Variants in GAPDH observed in about 807,000 individuals in gnomAD.
The protein encoded by GAPDH is OCAS, p38 component.
A neutral mutation model predicts 31.2 loss-of-function variants in GAPDH; 13 were observed. The observed-to-expected ratio is 0.42, with a 90% CI of 0.27 to 0.66. The LOEUF (loss-of-function observed/expected upper bound fraction) is 0.66, where lower values mean the gene tolerates loss of function less well. GAPDH is among the 30% of genes least tolerant of loss of function. GAPDH has a pLI of 0.26. For missense variants in GAPDH, 300 were observed against 443.7 expected (o/e 0.68, Z 2.91); for synonymous variants, 211 against 166.9 (o/e 1.26, Z -2.04).
chr12:6,534,663 TGGGCCCGGGCGGCCTCCGCATTGC>T, intron 1 of GAPDH, 94 bp downstream of exon 1: 1 of 726,914 alleles, frequency 1.4e-6, no homozygotes, highest in South Asian at 1.6e-5. Context: ...CGCTGCGGGG[TGGGCCCGGGCGGCCTCCGCATTGC>T]AGGGGCGGGC....
In GAPDH at chr12:6,534,519, T is replaced by G. The variant is rs1254041419; in HGVS notation, c.-74T>G. The G allele has an allele frequency of 1.8e-5, 8 of 443,992 alleles. No individual in the cohort carries two copies. Among genetic ancestry groups the G allele is most frequent in the South Asian group, 4.3e-5 (2 of 46,094 alleles). The allele number at this position is 443,992 out of a possible 1,614,324, so 27.5% of individuals were successfully genotyped here. A position where few individuals can be genotyped will look rare whatever the true frequency, so the allele number is the denominator to read the frequency against. On this transcript the variant is annotated 5_prime_UTR_variant, in exon 1 of 9. Coordinates refer to ENST00000229239, the MANE Select transcript of GAPDH (RefSeq NM_002046.7). ...TTGAGCCCGCAGCCTCCCGCTTCGC[T>G]CTCTGCTCCTCCTGTTCGACAGTCA...
chr12:6,536,954 G>C lies in GAPDH; in HGVS notation c.271G>C (p.Gly91Arg). The C allele has an allele frequency of 6.2e-7, 1 of 1,613,856 alleles. No individual in the cohort carries two copies. Among genetic ancestry groups the C allele is most frequent in the South Asian group, 1.1e-5 (1 of 91,078 alleles). ...CTCCAAAATCAAGTGGGGCGATGCT[G>C]GCGCTGAGTACGTCGTGGAGTCCAC... is the stretch of plus-strand genomic sequence containing the variant. ...DPSKIKWGDAGAEYVVESTGV... is the reference protein window; with the variant it reads ...DPSKIKWGDARAEYVVESTGV... The change falls in exon 5 of 9, where the codon GGC (glycine) becomes CGC (arginine). Residue 91 changes from glycine (G) to arginine (R), a missense_variant. By Grantham distance (125) the Gly-to-Arg change is moderately radical. Coordinates refer to ENST00000229239, the MANE Select transcript of GAPDH (RefSeq NM_002046.7).
At position 6,537,203 on chromosome 12, in the gene GAPDH, CTCAAGA is replaced by C; in HGVS notation, c.434_439del (p.Lys145_Ile146del). 1.2e-6 allele frequency: 2 copies of C among 1,612,394 alleles called. No individual in the cohort carries two copies. The highest frequency in any genetic ancestry group is 1.7e-6 in the Non-Finnish European group (2 of 1,179,784). On this transcript the variant is annotated inframe_deletion, in exon 6 of 9. Transcript: ENST00000229239. This position sits in a 1 kb window ranked among gnomAD's most constrained non-coding sequence, Gnocchi z 4.9. ...GAACCATGAGAAGTATGACAACAGC[CTCAAGA>C]TCATCAGGTGAGGAAGGCAGGGCCC...
rs1443576557 is a variant in GAPDH at position 6,536,387 on chromosome 12, G to A, written c.30-107G>A. 4.9e-6 allele frequency: 4 copies of A among 813,462 alleles called. No individual in the cohort carries two copies. The East Asian group carries it at 7.3e-5, about 15-fold the overall frequency. The allele number at this position is 813,462 out of a possible 1,614,324, so 50.4% of individuals were successfully genotyped here. On this transcript the variant is annotated intron_variant, in intron 2 of 8. Coordinates refer to ENST00000229239, the MANE Select transcript of GAPDH (RefSeq NM_002046.7). ...TTCAACCTCTTGGGCCCTCCTGGGG[G>A]TAAGGAGATGCTGCATTCGCCCTCT...
In GAPDH at chr12:6,537,232, C is replaced by A; in HGVS notation, c.443+16C>A. 1 of 1,597,998 alleles carries A rather than the reference C, an allele frequency of 6.3e-7. No individual in the cohort carries two copies. On this transcript the variant is annotated intron_variant, in intron 6 of 8. Transcript: ENST00000229239. The surrounding 1 kb of genome is among the most constrained non-coding windows in gnomAD (Gnocchi z 4.9). ...AGATCATCAGGTGAGGAAGGCAGGG[C>A]CCGTGGAGAAGCGGCCAGCCTGGCA...
rs370224073 is a variant in GAPDH at position 6,534,732 on chromosome 12, G to A, written c.-23-78G>A. ...GATGCGGCGCGGGCTGGGCATGGAG[G>A]CCTGGTGGGGGAGGGGAGGGGAGGC... On this transcript the variant is annotated intron_variant, in intron 1 of 8. Transcript: ENST00000229239. 2,337 of 1,272,322 alleles carry A rather than the reference G, an allele frequency of 1.8e-3. 67 individuals are homozygous for A. The South Asian group carries it at 0.026, about 14-fold the overall frequency. 78.8% of individuals were successfully genotyped at this position (1,272,322 alleles called of 1,614,324 possible).
Position 6,534,832 on chromosome 12 carries a change from C to T in GAPDH, c.-1C>T, listed in dbSNP as rs1323130446. On this transcript the variant is annotated 5_prime_UTR_variant, in exon 2 of 9. Coordinates refer to ENST00000229239, the MANE Select transcript of GAPDH (RefSeq NM_002046.7). ...CAGCCGAGCCACATCGCTCAGACAC[C>T]ATGGGGAAGGTGAAGGTCGGAGTCA... 6.2e-7 allele frequency: 1 copy of T among 1,613,472 alleles called. No homozygotes were observed. The highest frequency in any genetic ancestry group is 8.5e-7 in the Non-Finnish European group (1 of 1,179,780).
At chr12:6,536,350 A>G (rs762649927) in intron 2 of GAPDH, 144 bp from the exon 3 acceptor site, 3 of 662,010 alleles carry the variant, frequency 4.5e-6, no homozygotes, top group African/African-American at 3.6e-5. Context: ...GGGAAGCTCA[A>G]GGGAGATAAA....
Position 6,534,880 on chromosome 12 carries a change from G to A in GAPDH, c.29+19G>A. ...TCAACGGGTGAGTTCGCGGGTGGCTGGGGGGCCCTGGGCTGCGACCGCCCC... is the reference window on the plus strand; with the variant it reads ...TCAACGGGTGAGTTCGCGGGTGGCTAGGGGGCCCTGGGCTGCGACCGCCCC... On this transcript the variant is annotated intron_variant, in intron 2 of 8. Coordinates refer to ENST00000229239, the MANE Select transcript of GAPDH (RefSeq NM_002046.7). 1 of 1,611,098 alleles carries A rather than the reference G, an allele frequency of 6.2e-7. No homozygotes were observed.
chr12:6,536,353 G>A, intron 2 of GAPDH, 141 bp from the exon 3 acceptor site: 1 of 666,144 alleles, frequency 1.5e-6, no homozygotes. Context: ...AAGCTCAAGG[G>A]AGATAAAATT....
chr12:6,535,357 C>A, intron 2 of GAPDH: 1 of 991,942 alleles, frequency 1.0e-6, no homozygotes, highest in Non-Finnish European at 1.2e-6. Flanking sequence ...CGGTGACTAA[C>A]CCTGCGCTCC....
Position 6,537,097 on chromosome 12 carries a change from G to C in GAPDH, c.328-4G>C, listed in dbSNP as rs1397561903. ...GTTCATAACTGTCTGCTTCTCTGCT[G>C]TAGGCTCATTTGCAGGGGGGAGCCA... On this transcript the variant is annotated splice_polypyrimidine_tract_variant and splice_region_variant and intron_variant, in intron 5 of 8. Transcript: ENST00000229239. The surrounding 1 kb of genome is among the most constrained non-coding windows in gnomAD (Gnocchi z 4.9). The C allele has an allele frequency of 3.7e-6, 6 of 1,608,672 alleles. No individual in the cohort carries two copies. In the South Asian group the frequency reaches 6.8e-5, roughly 18 times the overall value.
intron 2 of GAPDH, chr12:6,535,121 C>G (rs1365962098): frequency 3.4e-6 from 3 of 872,138 alleles, no homozygotes; most frequent in East Asian, 3.4e-5. Context: ...TACTCCCGCC[C>G]GAGATCCCGA....
Position 6,537,028 on chromosome 12 carries a change from C to G in GAPDH, c.327+18C>G, listed in dbSNP as rs188736603. 2 of 1,609,890 alleles carry G rather than the reference C, an allele frequency of 1.2e-6. No individual in the cohort carries two copies. Among genetic ancestry groups the G allele is most frequent in the Non-Finnish European group, 1.7e-6 (2 of 1,177,854 alleles). ...AGGCTGGGGTGAGTGCAGGAGGGCCCGCGGGAGGGGAAGCTGACTCAGCCC... is the reference window on the plus strand; with the variant it reads ...AGGCTGGGGTGAGTGCAGGAGGGCCGGCGGGAGGGGAAGCTGACTCAGCCC... On this transcript the variant is annotated intron_variant, in intron 5 of 8. Transcript: ENST00000229239. The surrounding 1 kb of genome is among the most constrained non-coding windows in gnomAD (Gnocchi z 4.9).
intron 2 of GAPDH, 150 bp downstream of exon 2, chr12:6,535,011 G>C (rs1946430184): frequency 1.0e-6 from 1 of 961,570 alleles, no homozygotes; most frequent in Non-Finnish European, 1.5e-6. Flanking sequence ...CGGACCTGGC[G>C]GAGCCCCGCA....
chr12:6,535,254 G>A (rs997905847), intron 2 of GAPDH: 2 of 1,052,266 alleles, frequency 1.9e-6, no homozygotes, highest in African/African-American at 1.7e-5. Flanking sequence ...TGCGCAGCGG[G>A]TGCATCCCTG....
At chr12:6,534,720 C>G (rs1946419056) in intron 1 of GAPDH, 90 bp from the exon 2 acceptor site, 3 of 1,137,178 alleles carry the variant, frequency 2.6e-6, no homozygotes, top group Non-Finnish European at 3.9e-6. Context: ...GCGGCGCGGG[C>G]TGGGCATGGA....
At position 6,536,762 on chromosome 12, in the gene GAPDH, A is replaced by C. The variant is rs774521691; in HGVS notation, c.208A>C (p.Asn70His). The C allele has an allele frequency of 1.2e-6, 2 of 1,613,994 alleles. No homozygotes were observed. Among genetic ancestry groups the C allele is most frequent in the Non-Finnish European group, 1.7e-6 (2 of 1,179,932 alleles). Residue 70 changes from asparagine to histidine, a missense_variant, in exon 4 of 9, where the codon AAT becomes CAT. Transcript: ENST00000229239. Reference sequence around the variant, plus strand: ...GGCTGAGAACGGGAAGCTTGTCATCAATGGAAATCCCATCACCATCTTCCA... The same window carrying C: ...GGCTGAGAACGGGAAGCTTGTCATCCATGGAAATCCCATCACCATCTTCCA... Reference protein sequence around the residue: ...VKAENGKLVINGNPITIFQER... With the variant: ...VKAENGKLVIHGNPITIFQER...
At position 6,534,798 on chromosome 12, in the gene GAPDH, C is replaced by G. The variant is rs200278792; in HGVS notation, c.-23-12C>G. 17 of 1,610,588 alleles carry G rather than the reference C, an allele frequency of 1.1e-5. No individual in the cohort carries two copies. The highest frequency in any genetic ancestry group is 1.3e-5 in the African/African-American group (1 of 74,886). ...GGCCACTAGGCGCTCACTGTTCTCT[C>G]CCTCCGCGCAGCCGAGCCACATCGC... is the stretch of plus-strand genomic sequence containing the variant. On this transcript the variant is annotated splice_polypyrimidine_tract_variant and intron_variant, in intron 1 of 8. Coordinates refer to ENST00000229239, the MANE Select transcript of GAPDH (RefSeq NM_002046.7).
Sources: gnomAD v4.1 joint callset for allele counts on GRCh38, gnomAD v4.1.1 for gene constraint, Gnocchi (gnomAD v3.1) non-coding constraint, MANE v1.5 for transcripts, NCBI Gene and HGNC (gene_info 2026-07-23, HGNC 2026-07-21) for gene names.